Variants in SAXO1 observed in about 807,000 individuals in gnomAD.
SAXO1 encodes stabilizer of axonemal microtubules 1, also known as 4930500O09Rik.
SAXO1 carries 21 observed loss-of-function variants against 17.5 expected under a neutral mutation model. That is an observed-to-expected ratio of 1.20 (90% CI 0.85 to 1.72). SAXO1 has a LOEUF of 1.72. SAXO1 is among the 40% of genes most tolerant of loss of function. SAXO1 has a pLI of 0.00. For missense variants in SAXO1, 843 were observed against 596.0 expected, an observed-to-expected ratio of 1.41 and a Z score of -4.32; for synonymous variants, 274 against 216.5, an observed-to-expected ratio of 1.27 and a Z score of -2.33.
intron 1 of SAXO1, among the ~76,000 whole-genome samples, chr9:18,967,481 G>A (rs1455974044): frequency 6.6e-6 from 1 of 152,208 alleles, no homozygotes; most frequent in Admixed American, 6.5e-5. Context: ...TCTGGCTACA[G>A]TGGCTTTGCC....
rs527477040 is a variant in SAXO1 at position 18,984,944 on chromosome 9, C to T, written c.39-34007G>A. Among the ~76,000 whole-genome samples, 6 of 152,194 alleles carry T rather than the reference C, an allele frequency of 3.9e-5. No individual in the cohort carries two copies. The East Asian group carries it at 5.8e-4, about 15-fold the overall frequency. On this transcript the variant is annotated intron_variant, in intron 1 of 3. Transcript: ENST00000380534. ...CTGTTGATTTAAAGTGATAGAGGTGCGACTCTTCCTTTCACATAAGCACTT... is the reference window on the plus strand; with the variant it reads ...CTGTTGATTTAAAGTGATAGAGGTGTGACTCTTCCTTTCACATAAGCACTT...
intron 1 of SAXO1, among the ~76,000 whole-genome samples, chr9:19,023,258 G>A (rs1220445651): frequency 6.6e-6 from 1 of 150,974 alleles, no homozygotes; most frequent in Non-Finnish European, 1.5e-5. Flanking sequence ...CAGAGCTGCT[G>A]GCAGGATCTC....
At chr9:18,993,621 T>C (rs1054446916) in intron 1 of SAXO1, among the ~76,000 whole-genome samples, 1 of 152,160 alleles carries the variant, frequency 6.6e-6, no homozygotes, top group Non-Finnish European at 1.5e-5. Flanking sequence ...TTTATTTCCA[T>C]TCCAGATGGC....
At chr9:19,015,504 C>T (rs569102862) in intron 1 of SAXO1, among the ~76,000 whole-genome samples, 7 of 152,154 alleles carry the variant, frequency 4.6e-5, no homozygotes, top group South Asian at 4.2e-4. Flanking sequence ...CCACCACGCC[C>T]GGCTAATTTT....
At chr9:19,035,879 A>G (rs762695409), upstream of SAXO1, among the ~76,000 whole-genome samples, 2 of 152,224 alleles carry the variant, frequency 1.3e-5, no homozygotes, top group Non-Finnish European at 2.9e-5. Context: ...AAAGCATTTA[A>G]CAGGTGACTT....
intron 1 of SAXO1, among the ~76,000 whole-genome samples, chr9:18,956,517 G>C (rs1419656351): frequency 6.6e-6 from 1 of 152,156 alleles, no homozygotes; most frequent in Non-Finnish European, 1.5e-5. Context: ...GCAGTGAAGA[G>C]GGTTCTCCTT....
rs369100621 is a variant in SAXO1, at chr9:18,928,348, G to A, written c.1129C>T (p.His377Tyr). The change falls in exon 4 of 4, where the codon CAC (histidine) becomes TAC (tyrosine). Residue 377 changes from histidine to tyrosine, a missense_variant. Physicochemically the swap from His to Tyr is moderately conservative, Grantham distance 83. Coordinates refer to ENST00000380534, the MANE Select transcript of SAXO1 (RefSeq NM_153707.4). ...PLDCLTTTRA[H>Y]YVPHLPINTK... ...TTGATAGGCAGGTGGGGCACATAGT[G>A]GGCCCGAGTGGTGGTCAGGCAGTCC... 2 of 1,613,260 alleles carry A rather than the reference G, an allele frequency of 1.2e-6. No individual in the cohort carries two copies. Among genetic ancestry groups the A allele is most frequent in the Non-Finnish European group, 1.7e-6 (2 of 1,179,728 alleles).
At chr9:18,998,568 C>T (rs1834109474) in intron 1 of SAXO1, among the ~76,000 whole-genome samples, 2 of 152,116 alleles carry the variant, frequency 1.3e-5, no homozygotes, top group African/African-American at 4.8e-5. Flanking sequence ...AGAACTTTCC[C>T]AACCTAGCAA....
chr9:18,934,656 G>A (rs1214491564), intron 3 of SAXO1, among the ~76,000 whole-genome samples: 1 of 152,164 alleles, frequency 6.6e-6, no homozygotes, highest in East Asian at 1.9e-4. Context: ...TCCAACATCT[G>A]GGCTCCTGCA....
chr9:19,037,931 A>T (rs991183597), upstream of SAXO1, among the ~76,000 whole-genome samples: 12 of 152,228 alleles, frequency 7.9e-5, no homozygotes, highest in African/African-American at 2.9e-4. Context: ...TGGGATTCAG[A>T]TTCAGATGGT....
chr9:19,048,357 T>A (rs1482638113), intron 1 of SAXO1, among the ~76,000 whole-genome samples: 1 of 152,064 alleles, frequency 6.6e-6, no homozygotes, highest in Non-Finnish European at 1.5e-5. Context: ...TTTGGGGGAC[T>A]GAGGCAGGAG....
chr9:19,013,283 A>G (rs2130994402), intron 1 of SAXO1, among the ~76,000 whole-genome samples: 1 of 152,308 alleles, frequency 6.6e-6, no homozygotes, highest in Middle Eastern at 3.4e-3. Flanking sequence ...AAAGATCTTC[A>G]CCACTGCGGG....
chr9:18,996,070 A>T (rs1324201973), intron 1 of SAXO1, among the ~76,000 whole-genome samples: 1 of 121,882 alleles, frequency 8.2e-6, no homozygotes, highest in African/African-American at 3.4e-5. Context: ...CAAGAGTGAA[A>T]CTACATCTCA....
chr9:18,951,024 G>A, intron 1 of SAXO1, 87 bp from the exon 2 acceptor site: 1 of 1,332,790 alleles, frequency 7.5e-7, no homozygotes, highest in Non-Finnish European at 1.0e-6. Flanking sequence ...ATGTGACTCA[G>A]ACTGTAAAAT....
At chr9:18,990,490 G>C (rs1563965518) in intron 1 of SAXO1, among the ~76,000 whole-genome samples, 2 of 152,166 alleles carry the variant, frequency 1.3e-5, no homozygotes, top group African/African-American at 4.8e-5. Context: ...AGAATTGCTT[G>C]AACCTCAGAG....
intron 1 of SAXO1, among the ~76,000 whole-genome samples, chr9:18,953,856 T>C (rs1472331694): frequency 6.6e-6 from 1 of 152,212 alleles, no homozygotes; most frequent in East Asian, 1.9e-4. Flanking sequence ...GAACAGAAAA[T>C]AATTTGTTCT....
intron 3 of SAXO1, among the ~76,000 whole-genome samples, chr9:18,939,465 G>T (rs1271549791): frequency 6.6e-6 from 1 of 152,236 alleles, no homozygotes; most frequent in African/African-American, 2.4e-5. Context: ...TGATAAGACA[G>T]GGGAGTGCAA....
At chr9:19,013,599 T>C (rs1301708185) in intron 1 of SAXO1, among the ~76,000 whole-genome samples, 1 of 129,828 alleles carries the variant, frequency 7.7e-6, no homozygotes, top group East Asian at 2.3e-4. Context: ...CAGGCTGGAA[T>C]GCAGTGGTAC....
At chr9:18,976,901 G>A (rs890613113) in intron 1 of SAXO1, among the ~76,000 whole-genome samples, 1 of 152,190 alleles carries the variant, frequency 6.6e-6, no homozygotes, top group Non-Finnish European at 1.5e-5. Context: ...AGTTTCATCA[G>A]GAACGACCCC....
Sources: allele counts gnomAD v4.1 joint callset (sites outside exome capture counted in the v4.1 genomes callset), GRCh38; gene constraint gnomAD v4.1.1; transcripts MANE v1.5; gene names NCBI Gene and HGNC (gene_info 2026-07-23, HGNC 2026-07-21).